The following HMCN1 variants were observed in gnomAD, a reference collection of about 807,000 sequenced individuals.
HMCN1 encodes hemicentin 1.
A neutral mutation model predicts 625.9 loss-of-function variants in HMCN1; 321 were observed. The ratio of observed to expected loss-of-function variants is 0.51; its 90% CI spans 0.47 to 0.56. HMCN1 has a LOEUF of 0.56. Among genes scored for constraint, HMCN1 ranks in the 20% least tolerant of loss-of-function variants. The pLI, the probability that HMCN1 is intolerant of heterozygous loss-of-function variation, is 0.00. For synonymous variants in HMCN1, 2,425 were observed against 2,417.6 expected (o/e 1.00, Z -0.09); for missense variants, 6,588 against 6,887.3 (o/e 0.96, Z 1.54).
intron 4 of HMCN1, among the ~76,000 whole-genome samples, chr1:185,899,142 C>T (rs1275079898): frequency 6.6e-6 from 1 of 152,104 alleles, no homozygotes; most frequent in Admixed American, 6.6e-5. Flanking sequence ...CATTATCTCC[C>T]TCAACTTCTC....
At chr1:186,047,517 A>G (rs999409503) in intron 41 of HMCN1, among the ~76,000 whole-genome samples, 2 of 152,132 alleles carry the variant, frequency 1.3e-5, no homozygotes. Flanking sequence ...ACTACCATTC[A>G]CACACATCTC....
chr1:185,790,842 C>T (rs1657939454), intron 1 of HMCN1, among the ~76,000 whole-genome samples: 1 of 152,136 alleles, frequency 6.6e-6, no homozygotes, highest in African/African-American at 2.4e-5. Flanking sequence ...TCCAAGAGTC[C>T]TTAGCATGAC....
chr1:186,092,393 A>G (rs1365036765), intron 64 of HMCN1, among the ~76,000 whole-genome samples: 1 of 151,938 alleles, frequency 6.6e-6, no homozygotes, highest in Non-Finnish European at 1.5e-5. Context: ...CTCTCAATAA[A>G]CATTTAATAA....
rs764705940 is a variant in HMCN1, at chr1:186,041,005, A to C, written c.6181-8A>C. 8.7e-6 allele frequency: 14 copies of C among 1,612,752 alleles called. No individual in the cohort carries two copies. In the South Asian group the frequency reaches 1.5e-4, roughly 18 times the overall value. The stretch of plus-strand genomic sequence containing the variant: ...ATATTGGTTATTTAGCGTTCTTACC[A>C]TTGATAGGTTCTCTCTGGTGGTCGA... On this transcript the variant is annotated splice_polypyrimidine_tract_variant and splice_region_variant and intron_variant, in intron 39 of 106. Coordinates refer to ENST00000271588, the MANE Select transcript of HMCN1 (RefSeq NM_031935.3).
intron 97 of HMCN1, among the ~76,000 whole-genome samples, chr1:186,164,180 A>G (rs1651716559): frequency 6.6e-6 from 1 of 151,892 alleles, no homozygotes; most frequent in Non-Finnish European, 1.5e-5. Context: ...CTTTCAGGAA[A>G]GAGGTTTCTT....
At chr1:186,063,070 A>G (rs1420187035) in intron 48 of HMCN1, among the ~76,000 whole-genome samples, 15 of 72,362 alleles carry the variant, frequency 2.1e-4, no homozygotes, top group African/African-American at 8.2e-4. Flanking sequence ...GTGTGTGCAT[A>G]TATATATATA....
chr1:185,909,424 A>C lies in HMCN1; in HGVS notation c.709A>C (p.Arg237=), dbSNP rs1234081668. The change falls in exon 5 of 107, where the codon AGA becomes CGA. Residue 237 remains arginine, a synonymous_variant. Transcript: ENST00000271588. ...DHLEQAVNTW[R]IPFDPSLKEV... is the part of the protein sequence containing the mutation. ...TTTGGAACAGGCTGTAAATACTTGGAGAATTCCTTTTGATCCCAGCCTGAA... is the reference window on the plus strand; with the variant it reads ...TTTGGAACAGGCTGTAAATACTTGGCGAATTCCTTTTGATCCCAGCCTGAA... The C allele has an allele frequency of 1.2e-5, 20 of 1,613,632 alleles. No individual in the cohort carries two copies. The highest frequency in any genetic ancestry group is 1.6e-5 in the Non-Finnish European group (19 of 1,179,632).
intron 1 of HMCN1, among the ~76,000 whole-genome samples, chr1:185,746,672 T>C (rs1041933896): frequency 4.0e-5 from 6 of 150,918 alleles, no homozygotes; most frequent in African/African-American, 1.5e-4. Flanking sequence ...TGGTGTGATC[T>C]CAGCTCACCG....
rs1653681816 is a variant in HMCN1, at chr1:186,190,808, T to C, written c.*930T>C. 5.2e-6 allele frequency: 1 copy of C among 193,920 alleles called. No individual in the cohort carries two copies. Among genetic ancestry groups the C allele is most frequent in the African/African-American group, 2.3e-5 (1 of 43,156 alleles). The allele number at this position is 193,920 out of a possible 1,614,324, so 12.0% of individuals were successfully genotyped here. ...TCTAAGCAATTGCCAAGATGTATTCTATTTTTATGAAGTGTATATATATTA... is the reference window on the plus strand; with the variant it reads ...TCTAAGCAATTGCCAAGATGTATTCCATTTTTATGAAGTGTATATATATTA... On this transcript the variant is annotated 3_prime_UTR_variant, in exon 107 of 107. Coordinates refer to ENST00000271588, the MANE Select transcript of HMCN1 (RefSeq NM_031935.3).
At chr1:185,941,284 T>C (rs575569748) in intron 11 of HMCN1, among the ~76,000 whole-genome samples, 51 of 152,362 alleles carry the variant, frequency 3.3e-4, no homozygotes, top group Admixed American at 1.2e-3. Flanking sequence ...CTATTCCACT[T>C]GTTGGGAAGT....
chr1:185,938,261 C>G (rs1038754804), intron 11 of HMCN1, among the ~76,000 whole-genome samples: 2 of 152,002 alleles, frequency 1.3e-5, no homozygotes, highest in Admixed American at 6.6e-5. Flanking sequence ...ATAGATTAAC[C>G]AAGGTAAATG....
rs779260631 is a variant in HMCN1, at chr1:185,923,411, T to C, written c.1043T>C (p.Leu348Pro). 6.2e-7 allele frequency: 1 copy of C among 1,610,660 alleles called. No individual in the cohort carries two copies. The highest frequency in any genetic ancestry group is 1.7e-5 in the Admixed American group (1 of 60,012). The change falls in exon 8 of 107, where the codon CTC becomes CCC. Residue 348 changes from leucine to proline, a missense_variant. Transcript: ENST00000271588. ...GTAGGAATACCTACCTATGTACTGC[T>C]CAATACTTCTGGAATTTCCACTCCA... ...PVQGIPTYVL[L>P]NTSGISTPAR...
chr1:185,795,235 C>CTTTGA (rs991512340), intron 1 of HMCN1, among the ~76,000 whole-genome samples: 2 of 152,132 alleles, frequency 1.3e-5, no homozygotes, highest in Admixed American at 1.3e-4. Context: ...GCTATAGTGC[C>CTTTGA]TTTGATTTAC....
chr1:186,000,653 C>CT (rs1212782711), intron 26 of HMCN1, among the ~76,000 whole-genome samples: 1 of 151,300 alleles, frequency 6.6e-6, no homozygotes, highest in African/African-American at 2.4e-5. Flanking sequence ...GTTTTATCCT[C>CT]TTTTTATTTA....
intron 1 of HMCN1, among the ~76,000 whole-genome samples, chr1:185,763,525 G>A (rs1042237187): frequency 1.3e-5 from 2 of 152,094 alleles, no homozygotes; most frequent in African/African-American, 4.8e-5. Context: ...ATAAGTTAAT[G>A]GTAGCTTTTC....
chr1:185,948,232 T>C (rs1465896070), intron 11 of HMCN1, among the ~76,000 whole-genome samples: 3 of 152,206 alleles, frequency 2.0e-5, no homozygotes, highest in Non-Finnish European at 4.4e-5. Flanking sequence ...CATGTAGCAT[T>C]GCTTGATGTT....
At chr1:185,878,093 T>C (rs551961739) in intron 4 of HMCN1, among the ~76,000 whole-genome samples, 3 of 152,346 alleles carry the variant, frequency 2.0e-5, no homozygotes, top group Admixed American at 1.3e-4. Context: ...TTTTTGTACA[T>C]TGATTTCATA....
intron 1 of HMCN1, among the ~76,000 whole-genome samples, chr1:185,814,451 C>T (rs1659721225): frequency 6.6e-6 from 1 of 152,076 alleles, no homozygotes; most frequent in African/African-American, 2.4e-5. Flanking sequence ...ATTACTCATA[C>T]TTCTACTTAG....
At chr1:186,152,607 G>A (rs1381116420) in intron 95 of HMCN1, 143 bp from the exon 96 acceptor site, 10 of 924,952 alleles carry the variant, frequency 1.1e-5, no homozygotes, top group Admixed American at 5.4e-5. Flanking sequence ...GGGAGGTTAA[G>A]TGCTATTTCA....
Sources: allele counts gnomAD v4.1 joint callset (sites outside exome capture counted in the v4.1 genomes callset), GRCh38; gene constraint gnomAD v4.1.1; transcripts MANE v1.5; gene names NCBI Gene and HGNC (gene_info 2026-07-23, HGNC 2026-07-21).